Variants in ENTPD5 observed in about 807,000 individuals in gnomAD.
The protein encoded by ENTPD5 is ectonucleoside triphosphate diphosphohydrolase 5 (inactive).
In ENTPD5, 49 loss-of-function variants were observed where a neutral mutation model predicts 60.2. The observed-to-expected ratio is 0.81, with a 90% CI of 0.65 to 1.03. The LOEUF (loss-of-function observed/expected upper bound fraction) is 1.03, where lower values mean the gene tolerates loss of function less well. Among genes scored for constraint, ENTPD5 ranks in the 50% least tolerant of loss-of-function variants. ENTPD5 has a pLI of 0.00. For missense variants in ENTPD5, 480 were observed against 507.6 expected, an observed-to-expected ratio of 0.95 and a Z score of 0.52; for synonymous variants, 187 against 185.4, an observed-to-expected ratio of 1.01 and a Z score of -0.07.
At chr14:73,976,810 T>C (rs561346113) in intron 8 of ENTPD5, among the ~76,000 whole-genome samples, 1 of 152,290 alleles carries the variant, frequency 6.6e-6, no homozygotes, top group African/African-American at 2.4e-5. Context: ...TTCGCCATGT[T>C]GGCCAGGCTG....
At chr14:73,959,580 T>C, downstream of ENTPD5, 1 of 1,612,568 alleles carries the variant, frequency 6.2e-7, no homozygotes, top group Non-Finnish European at 8.5e-7. Context: ...AGAAAGGTGT[T>C]GTTTTTTTTT....
At chr14:73,974,641 C>A (rs1263523069) in intron 11 of ENTPD5, among the ~76,000 whole-genome samples, 1 of 152,264 alleles carries the variant, frequency 6.6e-6, no homozygotes, top group African/African-American at 2.4e-5. Context: ...TGAATGTATT[C>A]GTAAAGCCTG....
rs776626562 is a variant in ENTPD5 at position 73,964,563 on chromosome 14, A to G, written c.*2365T>C. On this transcript the variant is annotated 3_prime_UTR_variant, in exon 16 of 16. Transcript: ENST00000334696. ...ACAAAATGGCCCCCACAGTGATTAA[A>G]GACCAGAGACTTATATCTCTGCATT... 3.3e-5 allele frequency: 5 copies of G among 152,250 alleles called. No homozygotes were observed. The highest frequency in any genetic ancestry group is 5.9e-5 in the Non-Finnish European group (4 of 68,040). The allele number at this position is 152,250 out of a possible 1,614,324, so 9.4% of individuals were successfully genotyped here.
chr14:73,976,182 G>T, intron 9 of ENTPD5, 142 bp downstream of exon 9: 1 of 828,490 alleles, frequency 1.2e-6, no homozygotes, highest in East Asian at 2.5e-5. Context: ...GAGATGGCAA[G>T]GGAACATTCA....
intron 3 of ENTPD5, among the ~76,000 whole-genome samples, chr14:73,998,785 C>G (rs193035311): frequency 6.6e-6 from 1 of 151,980 alleles, no homozygotes; most frequent in African/African-American, 2.4e-5. Context: ...AATCAAGACA[C>G]GGATGTGGAA....
intron 3 of ENTPD5, among the ~76,000 whole-genome samples, chr14:74,007,260 G>A (rs1042751576): frequency 2.0e-5 from 3 of 152,248 alleles, no homozygotes; most frequent in East Asian, 1.9e-4. Context: ...GGTGGCTCAC[G>A]CCTGTAATCC....
chr14:73,976,924 G>T (rs575020043), intron 8 of ENTPD5, 100 bp downstream of exon 8: 3 of 1,112,578 alleles, frequency 2.7e-6, no homozygotes, highest in South Asian at 1.4e-5. Flanking sequence ...CTTTTTTAAA[G>T]AAGAAGAAAC....
At chr14:73,961,460 CA>C, downstream of ENTPD5, 1 of 1,614,178 alleles carries the variant, frequency 6.2e-7, no homozygotes, top group Non-Finnish European at 8.5e-7. Context: ...CTTAGGGATG[CA>C]GCCCACAGAG....
At chr14:73,959,580 TG>T (rs774989486), downstream of ENTPD5, 288 of 1,612,350 alleles carry the variant, frequency 1.8e-4, no homozygotes, top group South Asian at 4.2e-4. Flanking sequence ...AGAAAGGTGT[TG>T]TTTTTTTTTT....
chr14:74,013,984 G>A (rs2058930597), intron 2 of ENTPD5, among the ~76,000 whole-genome samples: 1 of 152,062 alleles, frequency 6.6e-6, no homozygotes, highest in Non-Finnish European at 1.5e-5. Flanking sequence ...CTAGGCTCAA[G>A]CAATCCTCCT....
chr14:73,997,303 G>T (rs1187955440), intron 3 of ENTPD5, among the ~76,000 whole-genome samples: 1 of 152,112 alleles, frequency 6.6e-6, no homozygotes, highest in African/African-American at 2.4e-5. Flanking sequence ...CCCATAGTGA[G>T]ATTGATTGTT....
At chr14:73,958,891 A>G (rs2056571129), downstream of ENTPD5, 6 of 1,582,898 alleles carry the variant, frequency 3.8e-6, no homozygotes, top group Middle Eastern at 2.3e-4. Flanking sequence ...AGCTGGAGGA[A>G]ACTTTAGGGA....
chr14:74,003,139 A>G (rs2058562283), intron 3 of ENTPD5, among the ~76,000 whole-genome samples: 1 of 151,956 alleles, frequency 6.6e-6, no homozygotes, highest in African/African-American at 2.4e-5. Flanking sequence ...TGCTTTCTCA[A>G]CTCCCCTTAC....
intron 3 of ENTPD5, among the ~76,000 whole-genome samples, chr14:73,999,038 A>G (rs10147158): frequency 6.6e-6 from 1 of 151,918 alleles, no homozygotes; most frequent in Non-Finnish European, 1.5e-5. Flanking sequence ...GGACCACTCA[A>G]TTGCTTAATT....
downstream of ENTPD5, chr14:73,958,666 G>T: frequency 7.6e-7 from 1 of 1,316,320 alleles, no homozygotes; most frequent in Non-Finnish European, 9.7e-7. Context: ...GAACTATTCA[G>T]CTCCAGTGTG....
chr14:73,992,736 C>T (rs1466896030), intron 3 of ENTPD5, among the ~76,000 whole-genome samples: 1 of 149,994 alleles, frequency 6.7e-6, no homozygotes, highest in African/African-American at 2.5e-5. Context: ...GGTGTGGTGG[C>T]GCACGCCTAT....
intron 6 of ENTPD5, among the ~76,000 whole-genome samples, chr14:73,979,564 C>T (rs2057587377): frequency 6.6e-6 from 1 of 151,730 alleles, no homozygotes; most frequent in South Asian, 2.1e-4. Context: ...CTCTGCCTCC[C>T]GGGTTCACAC....
downstream of ENTPD5, chr14:73,960,215 C>T (rs2056650236): frequency 1.0e-6 from 1 of 987,488 alleles, no homozygotes; most frequent in Non-Finnish European, 1.2e-6. Context: ...TAAGAGTAAG[C>T]TTAGTAGATA....
chr14:73,987,938 T>C lies in ENTPD5; in HGVS notation c.165A>G (p.Ala55=), dbSNP rs1201474085. The C allele has an allele frequency of 6.2e-7, 1 of 1,614,210 alleles. No individual in the cohort carries two copies. Among genetic ancestry groups the C allele is most frequent in the Non-Finnish European group, 8.5e-7 (1 of 1,180,034 alleles). ...CATGAATTCGAGTTCCAGTGCTCCCTGCATCAAACATAATTCCATACAAGG... is the reference window on the plus strand; with the variant it reads ...CATGAATTCGAGTTCCAGTGCTCCCCGCATCAAACATAATTCCATACAAGG... ...ASTLYGIMFD[A]GSTGTRIHVY... is the part of the protein sequence containing the mutation. Residue 55 remains alanine (A), a synonymous_variant, in exon 4 of 16, where the codon GCA becomes GCG. Transcript: ENST00000334696.
Sources: gnomAD v4.1 joint callset for allele counts (sites outside exome capture counted in the v4.1 genomes callset) on GRCh38, gnomAD v4.1.1 for gene constraint, MANE v1.5 for transcripts, NCBI Gene and HGNC (gene_info 2026-07-23, HGNC 2026-07-21) for gene names.